Variants in TNKS observed in about 807,000 individuals in gnomAD.
TNKS encodes poly [ADP-ribose] polymerase tankyrase-1.
Under a neutral mutation model 135.8 loss-of-function variants are expected in TNKS, and 72 were observed. The ratio of observed to expected loss-of-function variants is 0.53; its 90% CI spans 0.44 to 0.64. The LOEUF is 0.64. Ranked by LOEUF, TNKS falls within the 30% of genes least tolerant of loss-of-function variation. The pLI is 0.00. For missense variants in TNKS, 1,769 were observed against 1,674.0 expected, an observed-to-expected ratio of 1.06 and a Z score of -0.99; for synonymous variants, 849 against 649.3, an observed-to-expected ratio of 1.31 and a Z score of -4.68.
intron 3 of TNKS, among the ~76,000 whole-genome samples, chr8:9,639,971 A>T (rs1181506332): frequency 6.6e-6 from 1 of 152,200 alleles, no homozygotes; most frequent in African/African-American, 2.4e-5. Context: ...AACGAAGGAT[A>T]ATTGTAGAAA....
intron 20 of TNKS, 77 bp downstream of exon 20, chr8:9,752,703 C>G: frequency 1.0e-6 from 1 of 973,956 alleles, no homozygotes; most frequent in Non-Finnish European, 1.5e-6. Flanking sequence ...TCACACCTTA[C>G]TCCCAACACT....
chr8:9,633,841 T>C lies in TNKS; in HGVS notation c.994+18164T>C, dbSNP rs568817455. On this transcript the variant is annotated intron_variant, in intron 3 of 26. Coordinates refer to ENST00000310430, the MANE Select transcript of TNKS (RefSeq NM_003747.3). ...CATGAAGATTCTTGGAAGCAGATTT[T>C]CCAGCCGCATTTAAGCCTTGAGATG... 2.0e-5 allele frequency among the ~76,000 whole-genome samples: 3 copies of C among 152,242 alleles called. No individual in the cohort carries two copies. In the South Asian group the frequency reaches 6.2e-4, roughly 32 times the overall value.
intron 18 of TNKS, among the ~76,000 whole-genome samples, chr8:9,750,945 C>T (rs1167902495): frequency 4.6e-5 from 7 of 152,202 alleles, no homozygotes; most frequent in African/African-American, 7.2e-5. Flanking sequence ...CAGATGGCTT[C>T]TAAGAGAGTA....
intron 3 of TNKS, among the ~76,000 whole-genome samples, chr8:9,673,465 G>T (rs1315812215): frequency 5.4e-5 from 7 of 128,468 alleles, no homozygotes; most frequent in African/African-American, 2.0e-4. Flanking sequence ...TTTTTTTTGA[G>T]CAGGAGTCTT....
chr8:9,763,995 T>C (rs1374883845), intron 22 of TNKS, among the ~76,000 whole-genome samples: 1 of 152,112 alleles, frequency 6.6e-6, no homozygotes, highest in Non-Finnish European at 1.5e-5. Context: ...AGCTCATACG[T>C]AGCGCATCAG....
intron 11 of TNKS, among the ~76,000 whole-genome samples, chr8:9,714,511 C>A (rs898758047): frequency 6.6e-6 from 1 of 152,118 alleles, no homozygotes; most frequent in African/African-American, 2.4e-5. Flanking sequence ...CATATCTAAT[C>A]CCTTTATAAT....
At position 9,733,483 on chromosome 8, in the gene TNKS, A is replaced by G. The variant is rs1304853356; in HGVS notation, c.2313+39A>G. 6.4e-6 allele frequency: 10 copies of G among 1,551,234 alleles called. No homozygotes were observed. The Admixed American group carries it at 1.1e-4, about 16-fold the overall frequency. Reference sequence around the variant, plus strand: ...AAAGTTATGAAATATAACTAATTTTATTTATATTTTGGTTATTACTTGAAA... The same window carrying G: ...AAAGTTATGAAATATAACTAATTTTGTTTATATTTTGGTTATTACTTGAAA... On this transcript the variant is annotated intron_variant, in intron 15 of 26. Coordinates refer to ENST00000310430, the MANE Select transcript of TNKS (RefSeq NM_003747.3).
intron 9 of TNKS, among the ~76,000 whole-genome samples, 165 bp downstream of exon 9, chr8:9,708,657 T>G (rs1220675220): frequency 2.6e-5 from 4 of 152,150 alleles, no homozygotes; most frequent in Non-Finnish European, 5.9e-5. Flanking sequence ...TGGGGGGTGA[T>G]TCTTTTCATG....
chr8:9,702,304 T>C (rs781590823), intron 5 of TNKS, among the ~76,000 whole-genome samples: 1 of 151,558 alleles, frequency 6.6e-6, no homozygotes, highest in Non-Finnish European at 1.5e-5. Flanking sequence ...TGCATGCGTG[T>C]GCGTGCACAC....
At chr8:9,717,517 C>A (rs1209786236) in intron 11 of TNKS, among the ~76,000 whole-genome samples, 5 of 152,042 alleles carry the variant, frequency 3.3e-5, no homozygotes, top group African/African-American at 1.2e-4. Flanking sequence ...GGTTAGATAG[C>A]GAACATTTTA....
In TNKS at chr8:9,556,371, C is replaced by G. The variant is rs764780344; in HGVS notation, c.432C>G (p.Ser144=). The change falls in exon 1 of 27, where the codon TCC becomes TCG. Residue 144 remains serine (S), a synonymous_variant. Transcript: ENST00000310430. ...SPTSSSSSSP[S]SPGSSLAESP... is the part of the protein sequence containing the mutation. Reference sequence around the variant, plus strand: ...CTTCTTCCTCATCTTCCTCTCCATCCTCCCCTGGATCGAGCTTGGCGGAGA... The same window carrying G: ...CTTCTTCCTCATCTTCCTCTCCATCGTCCCCTGGATCGAGCTTGGCGGAGA... 1.4e-5 allele frequency: 22 copies of G among 1,614,252 alleles called. No individual in the cohort carries two copies. The highest frequency in any genetic ancestry group is 1.9e-5 in the Non-Finnish European group (22 of 1,180,040).
intron 3 of TNKS, among the ~76,000 whole-genome samples, chr8:9,659,091 C>T (rs1801568947): frequency 6.6e-6 from 1 of 152,110 alleles, no homozygotes; most frequent in Non-Finnish European, 1.5e-5. Flanking sequence ...AAAGCAAGTC[C>T]TTAGTGAAGT....
chr8:9,690,649 G>A (rs1023718641), intron 5 of TNKS, among the ~76,000 whole-genome samples: 33 of 151,986 alleles, frequency 2.2e-4, no homozygotes, highest in Admixed American at 2.2e-3. Flanking sequence ...TAGCTACACG[G>A]GAGGCTGAGG....
At chr8:9,700,933 C>CA (rs1250240217) in intron 5 of TNKS, among the ~76,000 whole-genome samples, 1 of 74,102 alleles carries the variant, frequency 1.3e-5, no homozygotes, top group East Asian at 3.0e-4. Flanking sequence ...TATGTTTTGC[C>CA]CCCTTTTTTT....
chr8:9,680,132 A>G, intron 4 of TNKS, 145 bp downstream of exon 4: 1 of 575,654 alleles, frequency 1.7e-6, no homozygotes. Context: ...TATGTACTTT[A>G]TATCATTATT....
chr8:9,563,206 C>G (rs1274640726), intron 1 of TNKS, among the ~76,000 whole-genome samples: 2 of 152,062 alleles, frequency 1.3e-5, no homozygotes, highest in Non-Finnish European at 2.9e-5. Flanking sequence ...CTTAAATAAG[C>G]TCTTGTACCC....
At chr8:9,750,889 G>C (rs1238669396) in intron 18 of TNKS, among the ~76,000 whole-genome samples, 1 of 152,212 alleles carries the variant, frequency 6.6e-6, no homozygotes, top group Non-Finnish European at 1.5e-5. Context: ...TCCCTGCATA[G>C]GATCTCACCA....
chr8:9,730,813 G>C (rs2128817354), intron 13 of TNKS, 77 bp from the exon 14 acceptor site: 4 of 1,484,494 alleles, frequency 2.7e-6, no homozygotes, highest in Admixed American at 4.1e-5. Flanking sequence ...CCAAGATGTT[G>C]AACTATTTTG....
intron 3 of TNKS, among the ~76,000 whole-genome samples, chr8:9,634,072 T>C (rs1800404009): frequency 7.9e-6 from 1 of 126,176 alleles, no homozygotes; most frequent in South Asian, 2.7e-4. Flanking sequence ...AAAAAACTCA[T>C]TTAACTGCAT....
Sources: gnomAD v4.1 joint callset for allele counts (sites outside exome capture counted in the v4.1 genomes callset) on GRCh38, gnomAD v4.1.1 for gene constraint, MANE v1.5 for transcripts, NCBI Gene and HGNC (gene_info 2026-07-23, HGNC 2026-07-21) for gene names.